Variants in STK3 observed in about 807,000 individuals in gnomAD.
STK3 encodes serine/threonine-protein kinase 3.
Under a neutral mutation model 58.0 loss-of-function variants are expected in STK3, and 41 were observed. The observed-to-expected ratio is 0.71, with a 90% CI of 0.55 to 0.92. The LOEUF (loss-of-function observed/expected upper bound fraction) is 0.92. STK3 is among the 40% of genes least tolerant of loss of function. The pLI is 0.00. For synonymous variants in STK3, 170 were observed against 191.0 expected (o/e 0.89, Z 0.91); for missense variants, 479 against 602.7 (o/e 0.79, Z 2.15).
At chr8:98,752,401 T>A (rs1311024726) in intron 3 of STK3, among the ~76,000 whole-genome samples, 1 of 152,192 alleles carries the variant, frequency 6.6e-6, no homozygotes, top group Non-Finnish European at 1.5e-5. Context: ...GCTAGCCATA[T>A]GCGGAAGATT....
chr8:98,696,566 A>T (rs1012548107), intron 6 of STK3, among the ~76,000 whole-genome samples: 43 of 152,168 alleles, frequency 2.8e-4, no homozygotes, highest in Non-Finnish European at 5.7e-4. Context: ...TTTAGCATGA[A>T]GCATTGTTGA....
intron 4 of STK3, among the ~76,000 whole-genome samples, chr8:98,740,956 TAA>T (rs1298877935): frequency 6.6e-6 from 1 of 152,010 alleles, no homozygotes; most frequent in Non-Finnish European, 1.5e-5. Context: ...TAGTCTCTGA[TAA>T]AACAGACTTT....
At chr8:98,891,421 C>T (rs761777746) in intron 1 of STK3, among the ~76,000 whole-genome samples, 29 of 152,136 alleles carry the variant, frequency 1.9e-4, no homozygotes, top group Non-Finnish European at 2.9e-4. Context: ...TAAATTATAA[C>T]GAGAACTTTT....
chr8:98,643,780 G>T (rs1454136638), intron 6 of STK3, among the ~76,000 whole-genome samples: 2 of 152,142 alleles, frequency 1.3e-5, no homozygotes, highest in Non-Finnish European at 2.9e-5. Flanking sequence ...GGAGGCCAAA[G>T]GAAGGATAGC....
chr8:98,586,926 G>C (rs1814668042), intron 7 of STK3, among the ~76,000 whole-genome samples: 1 of 151,808 alleles, frequency 6.6e-6, no homozygotes, highest in Non-Finnish European at 1.5e-5. Flanking sequence ...TTGTATTTCT[G>C]TGGGATCGGT....
At chr8:98,417,021 G>A (rs1818123192) in intron 3 of STK3, among the ~76,000 whole-genome samples, 1 of 152,204 alleles carries the variant, frequency 6.6e-6, no homozygotes, top group South Asian at 2.1e-4. Flanking sequence ...ACCCTTCCAG[G>A]CTTCTGAGTA....
At chr8:98,789,018 C>T (rs572057009) in intron 1 of STK3, among the ~76,000 whole-genome samples, 2 of 152,220 alleles carry the variant, frequency 1.3e-5, no homozygotes, top group African/African-American at 2.4e-5. Flanking sequence ...GGCCACAAAA[C>T]GAGCCTCAAT....
Position 98,809,700 on chromosome 8 carries a change from G to GTA in STK3, c.26+15813_26+15814dup, listed in dbSNP as rs200506611. Among the ~76,000 whole-genome samples the GTA allele has an allele frequency of 8.4e-4, 127 of 151,972 alleles. 1 individual carries two copies. Among genetic ancestry groups the GTA allele is most frequent in the African/African-American group, 2.4e-3 (99 of 41,466 alleles). On this transcript the variant is annotated intron_variant, in intron 1 of 10. Transcript: ENST00000419617. The stretch of plus-strand genomic sequence containing the variant: ...TTTTAAGGCTGAATAATATTCCATT[G>GTA]TATATATATATACCACATTTTGTTT...
intron 10 of STK3, among the ~76,000 whole-genome samples, chr8:98,486,000 C>T (rs1372457740): frequency 6.6e-6 from 1 of 152,150 alleles, no homozygotes; most frequent in East Asian, 1.9e-4. Context: ...AGATTAAGGA[C>T]AGTAGCAATG....
intron 10 of STK3, among the ~76,000 whole-genome samples, chr8:98,501,170 G>A (rs1299358820): frequency 6.6e-6 from 1 of 152,124 alleles, no homozygotes; most frequent in Non-Finnish European, 1.5e-5. Flanking sequence ...GCAATGATGA[G>A]TATTTTTTCA....
At chr8:98,785,566 G>T (rs1299964316) in intron 1 of STK3, among the ~76,000 whole-genome samples, 4 of 152,146 alleles carry the variant, frequency 2.6e-5, no homozygotes, top group Non-Finnish European at 5.9e-5. Flanking sequence ...CCCCCTCAGG[G>T]CTGAGCAGGA....
intron 3 of STK3, among the ~76,000 whole-genome samples, chr8:98,418,735 G>T (rs1033872633): frequency 1.3e-5 from 2 of 152,182 alleles, no homozygotes; most frequent in African/African-American, 4.8e-5. Context: ...GAGGAGCGGG[G>T]TGGGTTTTTG....
At chr8:98,583,058 GATC>G (rs893313741) in intron 7 of STK3, among the ~76,000 whole-genome samples, 2 of 151,024 alleles carry the variant, frequency 1.3e-5, no homozygotes, top group African/African-American at 2.4e-5. Flanking sequence ...TTGCTTTTTT[GATC>G]ATGTTATTCA....
chr8:98,897,415 C>T (rs1838494092), intron 1 of STK3, among the ~76,000 whole-genome samples: 1 of 152,014 alleles, frequency 6.6e-6, no homozygotes, highest in African/African-American at 2.4e-5. Context: ...AAAAAATTAA[C>T]CGGGCGTGGT....
chr8:98,874,172 C>A (rs774615651), intron 3 of STK3, among the ~76,000 whole-genome samples: 16 of 152,292 alleles, frequency 1.1e-4, no homozygotes, highest in Non-Finnish European at 2.1e-4. Flanking sequence ...ATATTGGCCC[C>A]CACTCTCTTC....
intron 7 of STK3, among the ~76,000 whole-genome samples, chr8:98,588,468 G>A (rs1223282132): frequency 1.3e-5 from 2 of 151,506 alleles, no homozygotes; most frequent in Non-Finnish European, 2.9e-5. Flanking sequence ...TGAGAGATCC[G>A]CTGTTAGTCT....
chr8:98,804,588 T>G (rs1833790023), intron 1 of STK3, among the ~76,000 whole-genome samples: 1 of 152,196 alleles, frequency 6.6e-6, no homozygotes, highest in Admixed American at 6.5e-5. Context: ...CTTTTGGAAG[T>G]CTTCCCAAGA....
intron 6 of STK3, among the ~76,000 whole-genome samples, chr8:98,600,024 AT>A (rs1816195126): frequency 6.6e-6 from 1 of 152,222 alleles, no homozygotes; most frequent in South Asian, 2.1e-4. Flanking sequence ...AAAAGCAAAT[AT>A]GAAATATACA....
chr8:98,500,108 A>C (rs1042912514), intron 10 of STK3, among the ~76,000 whole-genome samples: 8 of 152,142 alleles, frequency 5.3e-5, no homozygotes, highest in African/African-American at 1.9e-4. Flanking sequence ...CCCTCAATAC[A>C]GTCACAAGTG....
Sources: allele counts gnomAD v4.1 joint callset (sites outside exome capture counted in the v4.1 genomes callset), GRCh38; gene constraint gnomAD v4.1.1; transcripts MANE v1.5; gene names NCBI Gene and HGNC (gene_info 2026-07-23, HGNC 2026-07-21).